SPAST: variants seen among roughly 807,000 people sequenced by gnomAD.
SPAST encodes the protein spastin, also known as spastic paraplegia 4 (autosomal dominant; spastin).
A neutral mutation model predicts 76.6 loss-of-function variants in SPAST; 30 were observed. That is an observed-to-expected ratio of 0.39 (90% confidence interval 0.29 to 0.53). The LOEUF (loss-of-function observed/expected upper bound fraction) is 0.53. Ranked by LOEUF, SPAST falls within the 20% of genes least tolerant of loss-of-function variation. The probability of loss-of-function intolerance (pLI) is 0.68; values close to 1 mark genes in which losing one functional copy is unlikely to be tolerated. For synonymous variants in SPAST, 305 were observed against 281.0 expected (o/e 1.09, Z -0.86); for missense variants, 717 against 770.5 (o/e 0.93, Z 0.82).
At chr2:32,149,885 T>A (rs1248015372) in intron 16 of SPAST, among the ~76,000 whole-genome samples, 1 of 152,104 alleles carries the variant, frequency 6.6e-6, no homozygotes, top group Non-Finnish European at 1.5e-5. Flanking sequence ...TATTTGTAAC[T>A]TATTTTTTAT....
At chr2:32,110,114 T>G (rs201379730) in intron 4 of SPAST, among the ~76,000 whole-genome samples, 13 of 140,250 alleles carry the variant, frequency 9.3e-5, no homozygotes, top group South Asian at 2.3e-4. Context: ...GTTTTTTTTT[T>G]TTGTTTTTTT....
intron 12 of SPAST, among the ~76,000 whole-genome samples, chr2:32,140,398 A>G (rs1254038065): frequency 6.6e-6 from 1 of 152,166 alleles, no homozygotes; most frequent in Non-Finnish European, 1.5e-5. Flanking sequence ...TGGCAAGGAC[A>G]GACCACTTGA....
intron 4 of SPAST, among the ~76,000 whole-genome samples, chr2:32,103,824 C>G (rs1678217084): frequency 6.6e-6 from 1 of 152,134 alleles, no homozygotes; most frequent in Non-Finnish European, 1.5e-5. Flanking sequence ...GCACTGTGGC[C>G]TGAGAGACAG....
intron 4 of SPAST, among the ~76,000 whole-genome samples, chr2:32,113,629 A>G (rs1194345312): frequency 7.1e-6 from 1 of 140,148 alleles, no homozygotes; most frequent in Non-Finnish European, 1.5e-5. Context: ...GCAGTAGTGC[A>G]ATCTCGGCTT....
intron 4 of SPAST, among the ~76,000 whole-genome samples, chr2:32,110,657 T>C (rs1451189616): frequency 3.6e-5 from 5 of 137,410 alleles, no homozygotes; most frequent in Admixed American, 3.1e-4. Flanking sequence ...ATATATAGTA[T>C]AGTATATATA....
chr2:32,146,429 C>T (rs139983170), intron 15 of SPAST, among the ~76,000 whole-genome samples: 1 of 152,192 alleles, frequency 6.6e-6, no homozygotes, highest in African/African-American at 2.4e-5. Context: ...GGCCCGTTGG[C>T]ATGAGCCTGT....
chr2:32,104,277 C>G (rs568035462), intron 4 of SPAST, among the ~76,000 whole-genome samples: 1 of 152,136 alleles, frequency 6.6e-6, no homozygotes, highest in South Asian at 2.1e-4. Flanking sequence ...ATTGCAAACC[C>G]TGCTTTTTTT....
chr2:32,104,523 G>A (rs1406345518), intron 4 of SPAST, among the ~76,000 whole-genome samples: 2 of 152,190 alleles, frequency 1.3e-5, no homozygotes, highest in African/African-American at 4.8e-5. Context: ...TTGCTCGTTA[G>A]TTGATGCAGT....
In SPAST at chr2:32,157,147, A is replaced by G. The variant is rs1233003455; in HGVS notation, c.*2651A>G. On this transcript the variant is annotated 3_prime_UTR_variant, in exon 17 of 17. Transcript: ENST00000315285. ...TATTACTTCCTAAAAGATAATGCTT[A>G]AACATTAAGCATTAGTGTGCTCTTC... The G allele has an allele frequency of 6.6e-6, 1 of 152,650 alleles. No homozygotes were observed. The highest frequency in any genetic ancestry group is 1.5e-5 in the Non-Finnish European group (1 of 68,026). The allele number at this position is 152,650 out of a possible 1,614,324, so 9.5% of individuals were successfully genotyped here.
chr2:32,116,012 T>G (rs1361724360), intron 6 of SPAST, 107 bp from the exon 7 acceptor site: 7 of 963,856 alleles, frequency 7.3e-6, no homozygotes, highest in Non-Finnish European at 1.1e-5. Context: ...TAACTATAGT[T>G]TAACAGTTAA....
rs34152990 is a variant in SPAST at position 32,113,889 on chromosome 2, C to T, written c.683-749C>T. On this transcript the variant is annotated intron_variant, in intron 4 of 16. Coordinates refer to ENST00000315285, the MANE Select transcript of SPAST (RefSeq NM_014946.4). ...GCGCTTCATAACCTTTTTATATTGTCTTTCTGTTCCCCAAAATGAAGTAGT... is the reference window on the plus strand; with the variant it reads ...GCGCTTCATAACCTTTTTATATTGTTTTTCTGTTCCCCAAAATGAAGTAGT... Among the ~76,000 whole-genome samples the T allele has an allele frequency of 5.0e-3, 764 of 151,842 alleles. 3 individuals carry two copies. Among genetic ancestry groups the T allele is most frequent in the Non-Finnish European group, 8.0e-3 (546 of 67,924 alleles).
At chr2:32,067,930 A>G (rs1442499871) in intron 1 of SPAST, among the ~76,000 whole-genome samples, 1 of 150,982 alleles carries the variant, frequency 6.6e-6, no homozygotes, top group Non-Finnish European at 1.5e-5. Flanking sequence ...TCCTACTGAT[A>G]ATGTTTCTGT....
At chr2:32,092,735 C>T (rs1208198225) in intron 3 of SPAST, among the ~76,000 whole-genome samples, 4 of 152,058 alleles carry the variant, frequency 2.6e-5, no homozygotes, top group African/African-American at 4.8e-5. Flanking sequence ...CGGCTGGGCG[C>T]GGTGGCTCAC....
chr2:32,143,307 CTGAA>C (rs1423331559), intron 13 of SPAST, 25 bp from the exon 14 acceptor site: 13 of 1,252,166 alleles, frequency 1.0e-5, no homozygotes, highest in African/African-American at 1.5e-5. Context: ...TGAAATTAGA[CTGAA>C]TGATCATTTT....
chr2:32,087,688 T>C (rs1345207069), intron 2 of SPAST, 110 bp downstream of exon 2: 6 of 366,372 alleles, frequency 1.6e-5, no homozygotes, highest in South Asian at 5.6e-5. Flanking sequence ...TCTTTTCTTT[T>C]CTTTTCTTTT....
intron 1 of SPAST, among the ~76,000 whole-genome samples, chr2:32,081,032 C>T (rs1440163516): frequency 3.3e-5 from 5 of 151,906 alleles, no homozygotes; most frequent in African/African-American, 1.2e-4. Context: ...GATCTTGGCT[C>T]ACCGCAGCCT....
chr2:32,094,176 C>G (rs1677834232), intron 3 of SPAST, among the ~76,000 whole-genome samples: 1 of 152,208 alleles, frequency 6.6e-6, no homozygotes, highest in African/African-American at 2.4e-5. Flanking sequence ...TATCCACTCC[C>G]AGACCTTCTG....
chr2:32,093,535 CTG>C (rs1330974124), intron 3 of SPAST, among the ~76,000 whole-genome samples: 5 of 152,120 alleles, frequency 3.3e-5, no homozygotes, highest in Non-Finnish European at 7.4e-5. Flanking sequence ...ATCTCCCTTA[CTG>C]TGTTTCACTT....
intron 16 of SPAST, among the ~76,000 whole-genome samples, chr2:32,150,669 G>A (rs1680054183): frequency 6.6e-6 from 1 of 151,938 alleles, no homozygotes; most frequent in Admixed American, 6.6e-5. Context: ...GATTCCTCAA[G>A]CATTCCTCCC....
Sources: gnomAD v4.1 joint callset for allele counts (sites outside exome capture counted in the v4.1 genomes callset) on GRCh38, gnomAD v4.1.1 for gene constraint, MANE v1.5 for transcripts, NCBI Gene and HGNC (gene_info 2026-07-23, HGNC 2026-07-21) for gene names.